NUP155: variants seen among roughly 807,000 people sequenced by gnomAD.
NUP155 encodes the protein nucleoporin 155.
Under a neutral mutation model 180.4 loss-of-function variants are expected in NUP155, and 71 were observed. The observed-to-expected ratio is 0.39, with a 90% CI of 0.33 to 0.48. NUP155 has a LOEUF of 0.48. Ranked by LOEUF, NUP155 falls within the 20% of genes least tolerant of loss-of-function variation. The pLI, the probability that NUP155 is intolerant of heterozygous loss-of-function variation, is 0.91. For synonymous variants in NUP155, 582 were observed against 559.5 expected, an observed-to-expected ratio of 1.04 and a Z score of -0.57; for missense variants, 1,553 against 1,648.9, an observed-to-expected ratio of 0.94 and a Z score of 1.01.
At chr5:37,345,078 G>C (rs1263936867) in intron 9 of NUP155, among the ~76,000 whole-genome samples, 1 of 151,494 alleles carries the variant, frequency 6.6e-6, no homozygotes, top group Non-Finnish European at 1.5e-5. Flanking sequence ...AGCTGCTTGG[G>C]AGGCTAAAGT....
chr5:37,353,857 T>C (rs913514407), intron 4 of NUP155, among the ~76,000 whole-genome samples: 4 of 152,152 alleles, frequency 2.6e-5, no homozygotes, highest in African/African-American at 4.8e-5. Flanking sequence ...GTTCTAGATA[T>C]AGATGGTGGT....
intron 9 of NUP155, 99 bp downstream of exon 9, chr5:37,348,406 A>C (rs936853423): frequency 1.2e-6 from 1 of 822,096 alleles, no homozygotes; most frequent in African/African-American, 1.7e-5. Context: ...TCTTTTAGAG[A>C]CATTTTGATG....
At chr5:37,337,389 A>G (rs953006348) in intron 12 of NUP155, among the ~76,000 whole-genome samples, 2 of 152,184 alleles carry the variant, frequency 1.3e-5, no homozygotes, top group African/African-American at 4.8e-5. Flanking sequence ...TTAAAAAAAA[A>G]ACAGACAAAA....
chr5:37,364,260 A>T lies in NUP155; in HGVS notation c.282T>A (p.Val94=). The change falls in exon 2 of 35, where the codon GTT becomes GTA. Residue 94 remains valine (V), a synonymous_variant. Coordinates refer to ENST00000231498, the MANE Select transcript of NUP155 (RefSeq NM_153485.3). ...GTAATAGGATACGTCCAAACTGCTC[A>T]ACAAGTTCAGGTGGGAGAGGAACTC... is the stretch of plus-strand genomic sequence containing the variant. ...IRRVPLPPEL[V]EQFGHMQCNC... is the part of the protein sequence containing the mutation. 3 of 1,613,046 alleles carry T rather than the reference A, an allele frequency of 1.9e-6. No homozygotes were observed. The highest frequency in any genetic ancestry group is 1.7e-6 in the Non-Finnish European group (2 of 1,179,000).
chr5:37,333,746 TA>T, intron 12 of NUP155, 113 bp from the exon 13 acceptor site: 1 of 738,976 alleles, frequency 1.4e-6, no homozygotes, highest in South Asian at 1.7e-5. Context: ...TTAACATGAA[TA>T]TTTTTGAAAG....
intron 22 of NUP155, among the ~76,000 whole-genome samples, chr5:37,312,191 A>G (rs1743571421): frequency 6.6e-6 from 1 of 152,184 alleles, no homozygotes; most frequent in Non-Finnish European, 1.5e-5. Flanking sequence ...TCTTAGTATA[A>G]CTAAAAGAAG....
intron 11 of NUP155, among the ~76,000 whole-genome samples, chr5:37,338,735 C>T (rs1745516737): frequency 6.6e-6 from 1 of 152,016 alleles, no homozygotes. Flanking sequence ...AAACAAGTTA[C>T]AAAATAAAAT....
At chr5:37,360,584 G>A (rs1365830229) in intron 3 of NUP155, among the ~76,000 whole-genome samples, 3 of 150,930 alleles carry the variant, frequency 2.0e-5, no homozygotes, top group African/African-American at 7.3e-5. Context: ...TCAGGAATTC[G>A]AGACCAGCTT....
chr5:37,327,545 T>C lies in NUP155; in HGVS notation c.2024+84A>G, dbSNP rs964184770. The C allele has an allele frequency of 2.4e-5, 35 of 1,464,306 alleles. No homozygotes were observed. In the African/African-American group the frequency reaches 2.5e-4, roughly 10 times the overall value. The allele number at this position is 1,464,306 out of a possible 1,614,324, so 90.7% of individuals were successfully genotyped here. ...ACTAAAATTTAATAGGAATAAATGA[T>C]GTCCCAAATTCAGAGTTAAAAATAT... On this transcript the variant is annotated intron_variant, in intron 18 of 34. Transcript: ENST00000231498.
At chr5:37,340,258 T>C (rs1414978841) in intron 11 of NUP155, among the ~76,000 whole-genome samples, 1 of 151,944 alleles carries the variant, frequency 6.6e-6, no homozygotes, top group Admixed American at 6.6e-5. Flanking sequence ...CTAGGCAACA[T>C]GGCAAAAGCC....
intron 27 of NUP155, among the ~76,000 whole-genome samples, chr5:37,303,725 C>G (rs748009227): frequency 3.9e-5 from 6 of 152,112 alleles, no homozygotes; most frequent in Non-Finnish European, 8.8e-5. Context: ...GTGGGCAGAT[C>G]ATGTGAGCTC....
chr5:37,370,499 T>G (rs934292283), intron 1 of NUP155, among the ~76,000 whole-genome samples: 2 of 152,232 alleles, frequency 1.3e-5, no homozygotes, highest in Non-Finnish European at 2.9e-5. Flanking sequence ...AATTTGGGAC[T>G]TGGATCTGGA....
intron 24 of NUP155, 70 bp from the exon 25 acceptor site, chr5:37,307,502 A>C: frequency 7.0e-7 from 1 of 1,423,538 alleles, no homozygotes; most frequent in Non-Finnish European, 9.9e-7. Flanking sequence ...CTTAGCTGGC[A>C]CATGAAAATA....
At position 37,290,555 on chromosome 5, in the gene NUP155, CTAT is replaced by C. The variant is rs1206001863; in HGVS notation, c.*1342_*1344del. 6.6e-6 allele frequency: 1 copy of C among 150,890 alleles called. No individual in the cohort carries two copies. The highest frequency in any genetic ancestry group is 2.4e-5 in the African/African-American group (1 of 41,120). 9.3% of individuals were successfully genotyped at this position (150,890 alleles called of 1,614,324 possible). On this transcript the variant is annotated 3_prime_UTR_variant, in exon 35 of 35. Transcript: ENST00000231498. ...TTCCCACTCTTCTTCTCTCTTGTTG[CTAT>C]TACTTTGAAGCATTTGGTTTGGTTA...
intron 4 of NUP155, among the ~76,000 whole-genome samples, chr5:37,354,424 C>T (rs557108553): frequency 1.4e-4 from 21 of 147,658 alleles, no homozygotes; most frequent in Middle Eastern, 3.9e-3. Context: ...GGATTACAGG[C>T]GTGAACCAAC....
At chr5:37,337,682 ATTTCT>A in intron 12 of NUP155, 131 bp downstream of exon 12, 1 of 601,484 alleles carries the variant, frequency 1.7e-6, no homozygotes, top group East Asian at 2.9e-5. Context: ...TGACAGGATA[ATTTCT>A]TTACTTTATA....
chr5:37,369,496 G>T (rs777706397), intron 1 of NUP155, among the ~76,000 whole-genome samples: 1 of 152,286 alleles, frequency 6.6e-6, no homozygotes, highest in Middle Eastern at 3.4e-3. Context: ...AGGAAGGTGT[G>T]TGTAAAGGCA....
intron 9 of NUP155, among the ~76,000 whole-genome samples, chr5:37,346,655 G>C (rs1746107921): frequency 6.6e-6 from 1 of 151,418 alleles, no homozygotes; most frequent in East Asian, 2.0e-4. Flanking sequence ...TGGGGGACAA[G>C]AGTGAGACTT....
chr5:37,325,496 T>C (rs1245857857), intron 19 of NUP155, among the ~76,000 whole-genome samples: 2 of 152,230 alleles, frequency 1.3e-5, no homozygotes, highest in East Asian at 3.9e-4. Context: ...CGCCAGGCGC[T>C]GAGGCCCCCT....
Sources: allele counts gnomAD v4.1 joint callset (sites outside exome capture counted in the v4.1 genomes callset), GRCh38; gene constraint gnomAD v4.1.1; transcripts MANE v1.5; gene names NCBI Gene and HGNC (gene_info 2026-07-23, HGNC 2026-07-21).